Variants in SCN10A observed in about 807,000 individuals in gnomAD.
SCN10A encodes sodium voltage-gated channel alpha subunit 10, also known as sodium channel protein type 10 subunit alpha.
Under a neutral mutation model 170.7 loss-of-function variants are expected in SCN10A, and 162 were observed. The observed-to-expected ratio is 0.95, with a 90% CI of 0.84 to 1.08. The LOEUF (loss-of-function observed/expected upper bound fraction) is 1.08. SCN10A is among the 50% of genes least tolerant of loss of function. The pLI is 0.00. For synonymous variants in SCN10A, 985 were observed against 904.6 expected (o/e 1.09, Z -1.59); for missense variants, 2,527 against 2,436.9 (o/e 1.04, Z -0.78).
chr3:38,724,019 C>G (rs1199160792), intron 18 of SCN10A, among the ~76,000 whole-genome samples: 1 of 152,114 alleles, frequency 6.6e-6, no homozygotes, highest in Non-Finnish European at 1.5e-5. Flanking sequence ...GACAAGAAAA[C>G]AAAAACAAAA....
At chr3:38,729,514 C>T (rs1037394260) in intron 15 of SCN10A, among the ~76,000 whole-genome samples, 3 of 152,112 alleles carry the variant, frequency 2.0e-5, no homozygotes, top group Non-Finnish European at 4.4e-5. Flanking sequence ...AGGTGCATGG[C>T]AGTGTGCTAG....
In SCN10A at chr3:38,728,696, C is replaced by G; in HGVS notation, c.2486G>C (p.Arg829Pro). 6.2e-7 allele frequency: 1 copy of G among 1,614,120 alleles called. No individual in the cohort carries two copies. The highest frequency in any genetic ancestry group is 8.5e-7 in the Non-Finnish European group (1 of 1,180,006). Residue 829 changes from arginine to proline, a missense_variant, in exon 16 of 28, where the codon CGC becomes CCC. Coordinates refer to ENST00000449082, the MANE Select transcript of SCN10A (RefSeq NM_006514.4). ...NISAPHEDWP[R>P]WHMHDFFHSF... ...GTGGAAGAAGTCGTGCATGTGCCAG[C>G]GGGGCCAGTCTTCATGGGGCGCGGA...
In SCN10A at chr3:38,736,963, G is replaced by GTTTTTTTTTTT. The variant is rs71085334; in HGVS notation, c.2280+2541_2280+2551dup. ...TTCCCCAAGTGTAGCAGAAATGTTC[G>GTTTTTTTTTTT]TTTTTTTTTTTTTTTTTTTTTTTTT... is the stretch of plus-strand genomic sequence containing the variant. On this transcript the variant is annotated intron_variant, in intron 15 of 27. Coordinates refer to ENST00000449082, the MANE Select transcript of SCN10A (RefSeq NM_006514.4). Among the ~76,000 whole-genome samples, 68 of 46,666 alleles carry GTTTTTTTTTTT rather than the reference G, an allele frequency of 1.5e-3. 11 individuals carry two copies. The highest frequency in any genetic ancestry group is 6.6e-3 in the African/African-American group (63 of 9,530). The allele number at this position is 46,666 out of a possible 152,430, so 30.6% of individuals were successfully genotyped here. A position where few individuals can be genotyped will look rare whatever the true frequency, so the allele number is the denominator to read the frequency against.
At chr3:38,716,357 A>T (rs2063333843) in intron 21 of SCN10A, among the ~76,000 whole-genome samples, 1 of 152,098 alleles carries the variant, frequency 6.6e-6, no homozygotes, top group Non-Finnish European at 1.5e-5. Flanking sequence ...GGTCTTTCCC[A>T]TGCTGTTCTC....
At chr3:38,718,220 T>A (rs2063352625) in intron 21 of SCN10A, among the ~76,000 whole-genome samples, 1 of 152,186 alleles carries the variant, frequency 6.6e-6, no homozygotes, top group South Asian at 2.1e-4. Context: ...GCATATTTCA[T>A]AGCTCCCCAG....
At chr3:38,698,820 C>G (rs1418081005) in intron 27 of SCN10A, among the ~76,000 whole-genome samples, 1 of 152,218 alleles carries the variant, frequency 6.6e-6, no homozygotes, top group Admixed American at 6.5e-5. Flanking sequence ...AGAATATCCT[C>G]TTGGTCAACC....
chr3:38,722,719 G>A (rs1220106905), intron 19 of SCN10A, among the ~76,000 whole-genome samples: 3 of 152,120 alleles, frequency 2.0e-5, no homozygotes, highest in African/African-American at 4.8e-5. Context: ...ACAAGCTACG[G>A]CGTATGAGCC....
At chr3:38,809,855 T>C (rs1401657733) in intron 1 of SCN10A, among the ~76,000 whole-genome samples, 1 of 152,162 alleles carries the variant, frequency 6.6e-6, no homozygotes, top group African/African-American at 2.4e-5. Context: ...GTTCCAACCA[T>C]GGAATTTTAA....
chr3:38,705,014 T>A (rs2063195150), intron 26 of SCN10A, among the ~76,000 whole-genome samples: 1 of 152,216 alleles, frequency 6.6e-6, no homozygotes, highest in Non-Finnish European at 1.5e-5. Flanking sequence ...TGATCCGGCT[T>A]GTGCCACTGG....
chr3:38,726,103 T>C (rs1372378533), intron 17 of SCN10A, among the ~76,000 whole-genome samples: 1 of 152,216 alleles, frequency 6.6e-6, no homozygotes, highest in East Asian at 1.9e-4. Context: ...GCCAAGTATT[T>C]AAAAATATAT....
chr3:38,757,155 A>C lies in SCN10A; in HGVS notation c.955T>G (p.Cys319Gly), dbSNP rs199715855. The C allele has an allele frequency of 6.3e-7, 1 of 1,598,126 alleles. No individual in the cohort carries two copies. The highest frequency in any genetic ancestry group is 2.2e-5 in the East Asian group (1 of 44,848). ...TTAAGGCAGATATAACCATCAGGGC[A>C]GTGGCTGCAGCAAGAACAGAGAAGG... is the stretch of plus-strand genomic sequence containing the variant. ...LCGNGSDSGH[C>G]PDGYICLKTS... The change falls in exon 9 of 28, where the codon TGC (cysteine) becomes GGC (glycine). Residue 319 changes from cysteine to glycine, a missense_variant. Transcript: ENST00000449082.
chr3:38,803,524 A>G, intron 1 of SCN10A, among the ~76,000 whole-genome samples: 1 of 152,036 alleles, frequency 6.6e-6, no homozygotes, highest in Non-Finnish European at 1.5e-5. Context: ...GCTGGAAACC[A>G]TCATTCTCAG....
At chr3:38,798,973 G>A (rs186902001) in intron 1 of SCN10A, among the ~76,000 whole-genome samples, 130 of 151,580 alleles carry the variant, frequency 8.6e-4, no homozygotes, top group African/African-American at 3.1e-3. Flanking sequence ...ATTTTTGATG[G>A]GGTTTTTCCA....
chr3:38,697,340 G>A lies in SCN10A; in HGVS notation c.*9C>T. The A allele has an allele frequency of 6.2e-7, 1 of 1,611,866 alleles. No individual in the cohort carries two copies. On this transcript the variant is annotated 3_prime_UTR_variant, in exon 28 of 28. Transcript: ENST00000449082. ...CATAACTGAACATATCCAGGCTGGA[G>A]TGTTCTCACTAGGGCCCAGGGGCAA...
At chr3:38,702,926 G>A (rs2063171806) in intron 26 of SCN10A, among the ~76,000 whole-genome samples, 1 of 152,116 alleles carries the variant, frequency 6.6e-6, no homozygotes, top group Non-Finnish European at 1.5e-5. Flanking sequence ...ACTGCTCTGT[G>A]AGTCCTTGAT....
intron 1 of SCN10A, among the ~76,000 whole-genome samples, chr3:38,797,586 A>G (rs1034096383): frequency 6.6e-6 from 1 of 152,236 alleles, no homozygotes; most frequent in African/African-American, 2.4e-5. Context: ...TGCAATGACC[A>G]TTCAAACACT....
chr3:38,755,706 C>A, intron 11 of SCN10A, 82 bp downstream of exon 11: 1 of 1,530,704 alleles, frequency 6.5e-7, no homozygotes, highest in Non-Finnish European at 9.0e-7. Context: ...TTCTCTGCCA[C>A]ACACCTCTTC....
chr3:38,724,305 A>G (rs2125999196), intron 18 of SCN10A, among the ~76,000 whole-genome samples: 2 of 152,294 alleles, frequency 1.3e-5, no homozygotes, highest in Middle Eastern at 3.4e-3. Context: ...GGGATGAATT[A>G]TGACTTCCTT....
Position 38,728,824 on chromosome 3 carries a change from T to G in SCN10A, c.2358A>C (p.Ala786=). ...LIKIIGNSVG[A]LGNLTIILAI... ...CCAGGATGATGGTGAGGTTCCCCAG[T>G]GCCCCCACTGAGTTTCCGATGATCT... The change falls in exon 16 of 28, where the codon GCA becomes GCC. Residue 786 remains alanine, a synonymous_variant. Transcript: ENST00000449082. 6.2e-7 allele frequency: 1 copy of G among 1,614,194 alleles called. No homozygotes were observed. The highest frequency in any genetic ancestry group is 1.1e-5 in the South Asian group (1 of 91,088).
Sources: gnomAD v4.1 joint callset for allele counts (sites outside exome capture counted in the v4.1 genomes callset) on GRCh38, gnomAD v4.1.1 for gene constraint, MANE v1.5 for transcripts, NCBI Gene and HGNC (gene_info 2026-07-23, HGNC 2026-07-21) for gene names.